Variants in ABHD12B observed in about 807,000 individuals in gnomAD.
ABHD12B encodes protein ABHD12B.
In ABHD12B, 42 loss-of-function variants were observed where a neutral mutation model predicts 50.4. The ratio of observed to expected loss-of-function variants is 0.83; its 90% CI spans 0.65 to 1.08. The LOEUF (loss-of-function observed/expected upper bound fraction) is 1.08. ABHD12B is among the 50% of genes least tolerant of loss of function. The pLI is 0.00. For synonymous variants in ABHD12B, 167 were observed against 160.3 expected (o/e 1.04, Z -0.32); for missense variants, 479 against 447.7 (o/e 1.07, Z -0.63).
intron 7 of ABHD12B, among the ~76,000 whole-genome samples, chr14:50,886,440 CAAA>C (rs534954967): frequency 4.8e-5 from 3 of 62,946 alleles, no homozygotes. Context: ...GCTCTGTCTC[CAAA>C]AAAAAAAAAA....
chr14:50,896,121 A>G (rs1377508918), intron 9 of ABHD12B, among the ~76,000 whole-genome samples: 2 of 151,794 alleles, frequency 1.3e-5, no homozygotes, highest in African/African-American at 2.4e-5. Flanking sequence ...ACCCCTTACC[A>G]TCTCATTAAA....
At chr14:50,886,818 C>A in intron 8 of ABHD12B, 134 bp downstream of exon 8, 1 of 690,130 alleles carries the variant, frequency 1.4e-6, no homozygotes, top group Non-Finnish European at 2.4e-6. Flanking sequence ...TCTGGCAGTG[C>A]AACAGGCTTT....
At chr14:50,885,018 T>C (rs1179874961) in intron 5 of ABHD12B, among the ~76,000 whole-genome samples, 2 of 152,226 alleles carry the variant, frequency 1.3e-5, no homozygotes, top group African/African-American at 4.8e-5. Flanking sequence ...GAGACATTTA[T>C]AGACCTAAAG....
rs1386060400 is a variant in ABHD12B at position 50,886,643 on chromosome 14, A to G, written c.663-4A>G. On this transcript the variant is annotated splice_polypyrimidine_tract_variant and splice_region_variant and intron_variant, in intron 7 of 12. Transcript: ENST00000337334. ...CACATGTACTAATTTTCATTGCTTT[A>G]CAGAGTTGCAACAAATGCTGCAAAA... The G allele has an allele frequency of 1.2e-6, 2 of 1,608,572 alleles. No individual in the cohort carries two copies. The highest frequency in any genetic ancestry group is 1.1e-5 in the South Asian group (1 of 90,272).
At chr14:50,882,990 G>A (rs1422034749) in intron 5 of ABHD12B, among the ~76,000 whole-genome samples, 3 of 50,996 alleles carry the variant, frequency 5.9e-5, no homozygotes, top group African/African-American at 1.2e-4. Flanking sequence ...AAAAAAAAAA[G>A]TCATTGAAAC....
intron 3 of ABHD12B, among the ~76,000 whole-genome samples, chr14:50,880,131 TC>T (rs1281566640): frequency 6.6e-6 from 1 of 152,166 alleles, no homozygotes; most frequent in Non-Finnish European, 1.5e-5. Flanking sequence ...TTTACTTGTT[TC>T]CCTTTTTAAA....
At chr14:50,888,379 T>C (rs944605734) in intron 8 of ABHD12B, among the ~76,000 whole-genome samples, 3 of 152,048 alleles carry the variant, frequency 2.0e-5, no homozygotes, top group African/African-American at 7.2e-5. Flanking sequence ...GATTTTTGTA[T>C]TTTTAGTAGA....
At chr14:50,898,026 T>C (rs570319684) in intron 9 of ABHD12B, among the ~76,000 whole-genome samples, 45 of 152,256 alleles carry the variant, frequency 3.0e-4, no homozygotes, top group African/African-American at 9.9e-4. Flanking sequence ...AGCTTCTTTC[T>C]TGAAGGTGAG....
At chr14:50,900,174 AG>A (rs1159382925) in intron 9 of ABHD12B, among the ~76,000 whole-genome samples, 1 of 152,188 alleles carries the variant, frequency 6.6e-6, no homozygotes, top group Non-Finnish European at 1.5e-5. Context: ...TGAGCGCTGC[AG>A]TGAGCCATGA....
At chr14:50,888,208 C>CCT (rs1555324257) in intron 8 of ABHD12B, among the ~76,000 whole-genome samples, 2 of 142,240 alleles carry the variant, frequency 1.4e-5, no homozygotes, top group Non-Finnish European at 3.0e-5. Context: ...TGCTTTCTTT[C>CCT]TTTTTTTTTT....
At chr14:50,900,382 A>G (rs887470329) in intron 9 of ABHD12B, among the ~76,000 whole-genome samples, 1 of 152,250 alleles carries the variant, frequency 6.6e-6, no homozygotes, top group Non-Finnish European at 1.5e-5. Context: ...TGAAGTGTCT[A>G]TTATGTACCA....
chr14:50,896,352 ATTTTG>A (rs1454590620), intron 9 of ABHD12B, among the ~76,000 whole-genome samples: 2 of 151,898 alleles, frequency 1.3e-5, no homozygotes, highest in African/African-American at 4.8e-5. Flanking sequence ...CTTCAACACT[ATTTTG>A]TTTTATTTTT....
In ABHD12B at chr14:50,886,671, G is replaced by C; in HGVS notation, c.687G>C (p.Val229=). The stretch of plus-strand genomic sequence containing the variant: ...GAGTTGCAACAAATGCTGCAAAAGT[G>C]CTAGAAGAAAAAGGTAATATAAAAT... ...GTGVATNAAK[V]LEEKGCPVDA... is the part of the protein sequence containing the mutation. The change falls in exon 8 of 13, where the codon GTG becomes GTC. Residue 229 remains valine (V), a synonymous_variant. Coordinates refer to ENST00000337334, the MANE Select transcript of ABHD12B (RefSeq NM_001206673.2). 6.2e-7 allele frequency: 1 copy of C among 1,608,988 alleles called. No homozygotes were observed. Among genetic ancestry groups the C allele is most frequent in the Non-Finnish European group, 8.5e-7 (1 of 1,177,364 alleles).
chr14:50,872,238 T>A lies in ABHD12B; in HGVS notation c.64T>A (p.Cys22Ser). The change falls in exon 1 of 13, where the codon TGC (cysteine) becomes AGC (serine). Residue 22 changes from cysteine (C) to serine (S), a missense_variant. Coordinates refer to ENST00000337334, the MANE Select transcript of ABHD12B (RefSeq NM_001206673.2). ...GCCGCCCGGGCCCCCAGCCCGTAGC[T>A]GCGTGGCCGCCTGGTGGGACATGGT... ...PEPPGPPARS[C>S]VAAWWDMVDR... is the part of the protein sequence containing the mutation. The A allele has an allele frequency of 2.9e-6, 4 of 1,394,610 alleles. No individual in the cohort carries two copies. The highest frequency in any genetic ancestry group is 2.8e-6 in the Non-Finnish European group (3 of 1,071,342). 86.4% of individuals were successfully genotyped at this position (1,394,610 alleles called of 1,614,324 possible).
At chr14:50,900,351 T>C (rs1213764929) in intron 9 of ABHD12B, among the ~76,000 whole-genome samples, 3 of 152,222 alleles carry the variant, frequency 2.0e-5, no homozygotes, top group Non-Finnish European at 4.4e-5. Context: ...ATAGACTCAT[T>C]TTGTCTTTAG....
At chr14:50,879,311 C>T (rs891084479) in intron 3 of ABHD12B, among the ~76,000 whole-genome samples, 1 of 152,192 alleles carries the variant, frequency 6.6e-6, no homozygotes, top group African/African-American at 2.4e-5. Context: ...CTGTGCTTGT[C>T]CCTTTTGACA....
chr14:50,884,477 T>C (rs959257106), intron 5 of ABHD12B, among the ~76,000 whole-genome samples: 7 of 152,198 alleles, frequency 4.6e-5, no homozygotes, highest in African/African-American at 1.7e-4. Context: ...AGCGCAGTAT[T>C]TGGACAGGGG....
intron 9 of ABHD12B, among the ~76,000 whole-genome samples, chr14:50,897,071 G>GTTTTT (rs546998445): frequency 2.3e-5 from 3 of 128,038 alleles, no homozygotes; most frequent in South Asian, 2.4e-4. Context: ...ATTTAGTTTA[G>GTTTTT]TTTTTTTTTT....
At chr14:50,902,496 A>G (rs2050272675) in intron 10 of ABHD12B, among the ~76,000 whole-genome samples, 1 of 152,158 alleles carries the variant, frequency 6.6e-6, no homozygotes, top group Non-Finnish European at 1.5e-5. Flanking sequence ...AAACAAACAA[A>G]CAAAAAACCA....
Sources: allele counts gnomAD v4.1 joint callset (sites outside exome capture counted in the v4.1 genomes callset), GRCh38; gene constraint gnomAD v4.1.1; transcripts MANE v1.5; gene names NCBI Gene and HGNC (gene_info 2026-07-23, HGNC 2026-07-21).